The following EPS15 variants were observed in gnomAD, a reference collection of about 807,000 sequenced individuals.
The protein encoded by EPS15 is epidermal growth factor receptor pathway substrate 15, also known as epidermal growth factor receptor substrate 15.
EPS15 carries 72 observed loss-of-function variants against 113.8 expected under a neutral mutation model. The observed-to-expected ratio is 0.63, with a 90% CI of 0.52 to 0.77. The LOEUF is 0.77. Among genes scored for constraint, EPS15 ranks in the 30% least tolerant of loss-of-function variants. EPS15 has a pLI of 0.00. For missense variants in EPS15, 1,048 were observed against 1,045.8 expected (o/e 1.00, Z -0.03); for synonymous variants, 344 against 363.4 (o/e 0.95, Z 0.61).
chr1:51,452,175 G>A (rs933680886), intron 8 of EPS15, among the ~76,000 whole-genome samples: 14 of 151,952 alleles, frequency 9.2e-5, no homozygotes, highest in African/African-American at 3.4e-4. Context: ...GTGAGCCACT[G>A]AGCCCAGTCT....
At chr1:51,401,904 C>T (rs1318479382) in intron 18 of EPS15, among the ~76,000 whole-genome samples, 5 of 152,160 alleles carry the variant, frequency 3.3e-5, no homozygotes, top group Non-Finnish European at 7.4e-5. Context: ...TTTGGGAGGC[C>T]AACGTGGGCG....
In EPS15 at chr1:51,363,923, G is replaced by A. The variant is rs1168124051; in HGVS notation, c.2302C>T (p.Pro768Ser). ...EETSVKSEDE[P>S]PALPPKIGTP... ...CCGATCTTTGGTGGCAGTGCTGGGG[G>A]TTCATCTTCACTTTTGACCGATGTT... Residue 768 changes from proline (P) to serine (S), a missense_variant, in exon 23 of 25, where the codon CCC becomes TCC. By Grantham distance (74) the Pro-to-Ser change is moderately conservative. Transcript: ENST00000371733. 6.2e-7 allele frequency: 1 copy of A among 1,613,844 alleles called. No individual in the cohort carries two copies. The highest frequency in any genetic ancestry group is 1.7e-5 in the Admixed American group (1 of 59,996).
intron 21 of EPS15, among the ~76,000 whole-genome samples, chr1:51,390,646 T>C (rs1373643513): frequency 6.7e-6 from 1 of 149,126 alleles, no homozygotes; most frequent in Non-Finnish European, 1.5e-5. Context: ...CATCAAAAAG[T>C]GGATGAAGGA....
At chr1:51,510,128 T>C (rs1195085999) in intron 1 of EPS15, among the ~76,000 whole-genome samples, 1 of 149,996 alleles carries the variant, frequency 6.7e-6, no homozygotes, top group Non-Finnish European at 1.5e-5. Context: ...AAATAGCACA[T>C]GACACGTAAG....
chr1:51,461,221 A>G, intron 7 of EPS15, 71 bp from the exon 8 acceptor site: 2 of 1,140,954 alleles, frequency 1.8e-6, no homozygotes, highest in Non-Finnish European at 1.3e-6. Flanking sequence ...GCAAGAAAAG[A>G]AAGTTTATGA....
chr1:51,513,650 A>T (rs557471287), intron 1 of EPS15, among the ~76,000 whole-genome samples: 1 of 152,292 alleles, frequency 6.6e-6, no homozygotes, highest in East Asian at 1.9e-4. Flanking sequence ...TTTTTAATTT[A>T]CTAACTATAA....
intron 1 of EPS15, among the ~76,000 whole-genome samples, chr1:51,502,385 A>C (rs973977280): frequency 3.9e-5 from 6 of 152,200 alleles, no homozygotes; most frequent in Non-Finnish European, 8.8e-5. Flanking sequence ...TTCATAGCTG[A>C]ACTAGGCACT....
chr1:51,363,999 G>C lies in EPS15; in HGVS notation c.2226C>G (p.Ala742=). 1 of 1,612,994 alleles carries C rather than the reference G, an allele frequency of 6.2e-7. No homozygotes were observed. The highest frequency in any genetic ancestry group is 8.5e-7 in the Non-Finnish European group (1 of 1,179,480). ...CTACGTTGCTGACAGAGCTCGATGT[G>C]GCTGAACGAAAAGGATCTTCATTGT... ...KVNNEDPFRS[A]TSSSVSNVVI... The change falls in exon 23 of 25, where the codon GCC becomes GCG. Residue 742 remains alanine (A), a synonymous_variant. Coordinates refer to ENST00000371733, the MANE Select transcript of EPS15 (RefSeq NM_001981.3).
intron 12 of EPS15, 53 bp from the exon 13 acceptor site, chr1:51,421,911 G>A (rs767272817): frequency 6.2e-7 from 1 of 1,606,432 alleles, no homozygotes; most frequent in African/African-American, 1.3e-5. Flanking sequence ...GCTACAGCTG[G>A]TATGGTTATC....
At chr1:51,357,391 AATATATATATATATATAT>A (rs869072153) in intron 24 of EPS15, among the ~76,000 whole-genome samples, 1 of 65,720 alleles carries the variant, frequency 1.5e-5, no homozygotes, top group Non-Finnish European at 2.6e-5. Flanking sequence ...AAAAAAAAAA[AATATATATATATATATAT>A]ATATATATAT....
At chr1:51,371,019 G>T (rs1036075359) in intron 21 of EPS15, among the ~76,000 whole-genome samples, 2 of 151,942 alleles carry the variant, frequency 1.3e-5, no homozygotes, top group Non-Finnish European at 2.9e-5. Flanking sequence ...GGGTTAAAGC[G>T]ATTCTTGTGC....
intron 16 of EPS15, 45 bp downstream of exon 16, chr1:51,405,860 G>T: frequency 6.6e-7 from 1 of 1,513,988 alleles, no homozygotes; most frequent in Non-Finnish European, 9.2e-7. Flanking sequence ...ACTTGGATCT[G>T]CACAAGGAGG....
intron 1 of EPS15, among the ~76,000 whole-genome samples, chr1:51,497,954 C>A (rs144183706): frequency 0.022 from 3,198 of 142,466 alleles, 51 homozygotes; most frequent in Non-Finnish European, 0.031. Flanking sequence ...TCCAGCCTGG[C>A]GACAGAGCAA....
intron 21 of EPS15, among the ~76,000 whole-genome samples, chr1:51,377,838 C>G (rs1646837800): frequency 6.6e-6 from 1 of 151,688 alleles, no homozygotes; most frequent in Non-Finnish European, 1.5e-5. Flanking sequence ...AATATCGAGG[C>G]AAGATTCTCC....
chr1:51,422,082 AAAG>A lies in EPS15; in HGVS notation c.1041-227_1041-225del, dbSNP rs1336251828. 8.3e-6 allele frequency: 10 copies of A among 1,199,020 alleles called. No individual in the cohort carries two copies. The East Asian group carries it at 3.1e-4, about 38-fold the overall frequency. 74.3% of individuals were successfully genotyped at this position (1,199,020 alleles called of 1,614,324 possible). A position where few individuals can be genotyped will look rare whatever the true frequency, so the allele number is the denominator to read the frequency against. Reference sequence around the variant, plus strand: ...TTGCTTTCTCACTAAAATGTGGTGAAAAGAGGATAGATTAAAAAAGGAAGAGGA... The same window carrying A: ...TTGCTTTCTCACTAAAATGTGGTGAAAGGATAGATTAAAAAAGGAAGAGGA... On this transcript the variant is annotated intron_variant, in intron 12 of 24. Transcript: ENST00000371733.
At chr1:51,400,215 T>C (rs1423073454) in intron 19 of EPS15, among the ~76,000 whole-genome samples, 1 of 152,226 alleles carries the variant, frequency 6.6e-6, no homozygotes, top group Non-Finnish European at 1.5e-5. Context: ...CCTGATGTTT[T>C]AGTAATTCTT....
intron 12 of EPS15, among the ~76,000 whole-genome samples, chr1:51,428,528 A>G (rs574630020): frequency 5.9e-5 from 9 of 152,234 alleles, no homozygotes; most frequent in African/African-American, 2.2e-4. Context: ...CATCAATAAC[A>G]TAACAGGGTG....
chr1:51,378,044 C>T (rs942564991), intron 21 of EPS15, among the ~76,000 whole-genome samples: 1 of 151,826 alleles, frequency 6.6e-6, no homozygotes, highest in Non-Finnish European at 1.5e-5. Context: ...TACAGGCACC[C>T]GCCACCACGC....
At position 51,355,511 on chromosome 1, in the gene EPS15, G is replaced by A. The variant is rs996689352; in HGVS notation, c.*1189C>T. The A allele has an allele frequency of 1.0e-5, 2 of 193,326 alleles. No homozygotes were observed. Among genetic ancestry groups the A allele is most frequent in the Non-Finnish European group, 2.2e-5 (2 of 92,866 alleles). The allele number at this position is 193,326 out of a possible 1,614,324, so 12.0% of individuals were successfully genotyped here. A position where few individuals can be genotyped will look rare whatever the true frequency, so the allele number is the denominator to read the frequency against. On this transcript the variant is annotated 3_prime_UTR_variant, in exon 25 of 25. Transcript: ENST00000371733. Reference sequence around the variant, plus strand: ...ATGGTCTTTTAACATGAAGAGGTCTGATAATCTGGCAGGTCTCTTCTCTCC... The same window carrying A: ...ATGGTCTTTTAACATGAAGAGGTCTAATAATCTGGCAGGTCTCTTCTCTCC...
Sources: allele counts gnomAD v4.1 joint callset (sites outside exome capture counted in the v4.1 genomes callset), GRCh38; gene constraint gnomAD v4.1.1; transcripts MANE v1.5; gene names NCBI Gene and HGNC (gene_info 2026-07-23, HGNC 2026-07-21).